The following USP6 variants were observed in gnomAD, a reference collection of about 807,000 sequenced individuals.
USP6 encodes ubiquitin carboxyl-terminal hydrolase 6.
USP6 carries 128 observed loss-of-function variants against 175.7 expected under a neutral mutation model. The observed-to-expected ratio is 0.73, with a 90% CI of 0.63 to 0.84. The LOEUF (loss-of-function observed/expected upper bound fraction) is 0.84. Among genes scored for constraint, USP6 ranks in the 40% least tolerant of loss-of-function variants. USP6 has a pLI of 0.00. For missense variants in USP6, 1,498 were observed against 1,760.3 expected, an observed-to-expected ratio of 0.85 and a Z score of 2.67; for synonymous variants, 562 against 630.6, an observed-to-expected ratio of 0.89 and a Z score of 1.63.
At chr17:5,123,304 G>A (rs975091929) in intron 4 of USP6, among the ~76,000 whole-genome samples, 6 of 152,168 alleles carry the variant, frequency 3.9e-5, no homozygotes, top group African/African-American at 1.4e-4. Flanking sequence ...CCGCCGGTGG[G>A]GGGGTGGTAG....
chr17:5,116,384 T>G lies in USP6; in HGVS notation c.-2284T>G, dbSNP rs1293569420. ...ACCATCGAGTCGAACCGAGTCCTCA[T>G]GTTTTCCTAGACAAGCCGCTGGGGG... is the stretch of plus-strand genomic sequence containing the variant. On this transcript the variant is annotated 5_prime_UTR_variant, in exon 1 of 38. The change abolishes an upstream ATG in the 5' untranslated region. Transcript: ENST00000574788. The G allele has an allele frequency of 1.4e-5, 2 of 139,216 alleles. No individual in the cohort carries two copies. Among genetic ancestry groups the G allele is most frequent in the East Asian group, 3.9e-4 (2 of 5,186 alleles). 8.6% of individuals were successfully genotyped at this position (139,216 alleles called of 1,614,324 possible). A position where few individuals can be genotyped will look rare whatever the true frequency, so the allele number is the denominator to read the frequency against.
intron 15 of USP6, 144 bp from the exon 16 acceptor site, chr17:5,135,090 T>TC: frequency 2.2e-6 from 2 of 905,170 alleles, no homozygotes; most frequent in Non-Finnish European, 3.6e-6. Context: ...AAACATTTCT[T>TC]CAACAGTCTC....
At chr17:5,135,023 T>C in intron 15 of USP6, 1 of 536,270 alleles carries the variant, frequency 1.9e-6, no homozygotes, top group South Asian at 1.9e-5. Flanking sequence ...GTGAAAAGGA[T>C]CGGTCAACTC....
intron 2 of USP6, among the ~76,000 whole-genome samples, chr17:5,119,778 C>T (rs2072610568): frequency 6.6e-6 from 1 of 152,192 alleles, no homozygotes; most frequent in Non-Finnish European, 1.5e-5. Context: ...CTACAAGTGA[C>T]TCACAGCCAT....
At chr17:5,141,981 G>A (rs1175339715) in intron 23 of USP6, 22 bp from the exon 24 acceptor site, 1 of 1,603,696 alleles carries the variant, frequency 6.2e-7, no homozygotes, top group Non-Finnish European at 8.5e-7. Flanking sequence ...CTAAGCTTTG[G>A]TTCTCATATT....
chr17:5,169,626 G>A (rs2074170569), intron 35 of USP6, among the ~76,000 whole-genome samples: 1 of 152,042 alleles, frequency 6.6e-6, no homozygotes, highest in African/African-American at 2.4e-5. Flanking sequence ...ATTTTTTGTA[G>A]AGATGGTGCT....
rs1459606869 is a variant in USP6 at position 5,174,909 on chromosome 17, A to G, written c.*1931A>G. On this transcript the variant is annotated 3_prime_UTR_variant, in exon 38 of 38. Coordinates refer to ENST00000574788, the MANE Select transcript of USP6 (RefSeq NM_001304284.2). ...ATGTACTGAAATATGAACTGTATCAAAAGTATTGGTAATTGTATATGGGGT... is the reference window on the plus strand; with the variant it reads ...ATGTACTGAAATATGAACTGTATCAGAAGTATTGGTAATTGTATATGGGGT... The G allele has an allele frequency of 1.6e-5, 3 of 191,388 alleles. No individual in the cohort carries two copies. The highest frequency in any genetic ancestry group is 7.0e-5 in the African/African-American group (3 of 42,948). 11.9% of individuals were successfully genotyped at this position (191,388 alleles called of 1,614,324 possible). A position where few individuals can be genotyped will look rare whatever the true frequency, so the allele number is the denominator to read the frequency against.
intron 15 of USP6, 39 bp from the exon 16 acceptor site, chr17:5,135,195 G>A (rs924838974): frequency 1.0e-5 from 16 of 1,606,376 alleles, no homozygotes; most frequent in Non-Finnish European, 1.4e-5. Context: ...AACAGCATCT[G>A]CACAAACCAA....
At chr17:5,123,634 A>G (rs146898037) in intron 4 of USP6, among the ~76,000 whole-genome samples, 2,605 of 152,276 alleles carry the variant, frequency 0.017, 35 homozygotes, top group Non-Finnish European at 0.027. Flanking sequence ...GCGGGGAGCC[A>G]GCAGGACAGG....
chr17:5,166,489 C>CA (rs1212491127), intron 33 of USP6, among the ~76,000 whole-genome samples: 1 of 152,100 alleles, frequency 6.6e-6, no homozygotes, highest in Non-Finnish European at 1.5e-5. Context: ...TCATGAGTTT[C>CA]AGGAAGGGAA....
chr17:5,128,151 C>T (rs2072949524), intron 7 of USP6, among the ~76,000 whole-genome samples: 1 of 152,204 alleles, frequency 6.6e-6, no homozygotes, highest in African/African-American at 2.4e-5. Flanking sequence ...CTTGGATGTT[C>T]ATTTTATCCC....
chr17:5,156,736 CTT>C (rs113739439), intron 31 of USP6, among the ~76,000 whole-genome samples: 11 of 143,160 alleles, frequency 7.7e-5, no homozygotes, highest in African/African-American at 1.0e-4. Context: ...ATAAATACAT[CTT>C]TTTTTTTTTT....
intron 2 of USP6, among the ~76,000 whole-genome samples, chr17:5,120,266 GGTGGTGGGGGCAAGGCA>G (rs1418533150): frequency 6.6e-6 from 1 of 152,112 alleles, no homozygotes; most frequent in Non-Finnish European, 1.5e-5. Context: ...CTGTGGGGTT[GGTGGTGGGGGCAAGGCA>G]GTGGTGGGGG....
chr17:5,168,796 A>T lies in USP6; in HGVS notation c.3258A>T (p.Val1086=), dbSNP rs2144167851. 1.2e-6 allele frequency: 2 copies of T among 1,603,784 alleles called. No homozygotes were observed. The highest frequency in any genetic ancestry group is 2.2e-5 in the South Asian group (2 of 89,396). The stretch of plus-strand genomic sequence containing the variant: ...TTCACCTTAAGCGATTTCAATTTGT[A>T]AATGATCAGTGGATAAAATCACAGA... ...LIIHLKRFQF[V]NDQWIKSQKI... The change falls in exon 35 of 38, where the codon GTA becomes GTT. Residue 1086 remains valine, a synonymous_variant. Transcript: ENST00000574788.
chr17:5,120,906 G>C (rs1179164091), intron 3 of USP6, 118 bp downstream of exon 3: 2 of 454,454 alleles, frequency 4.4e-6, no homozygotes, highest in Non-Finnish European at 8.8e-6. Context: ...TTGGAAACCA[G>C]TTGGACCAGC....
At chr17:5,150,291 TA>T in intron 30 of USP6, among the ~76,000 whole-genome samples, 1 of 120,020 alleles carries the variant, frequency 8.3e-6, no homozygotes, top group East Asian at 2.2e-4. Flanking sequence ...AAACTCCGTC[TA>T]AAAAAATAAA....
At chr17:5,126,847 A>T (rs929808394) in intron 6 of USP6, 5 of 152,362 alleles carry the variant, frequency 3.3e-5, no homozygotes, top group African/African-American at 9.6e-5. Context: ...AGCACCCTCA[A>T]AGTGAGAGGT....
chr17:5,135,848 T>C lies in USP6; in HGVS notation c.584T>C (p.Leu195Ser). Residue 195 changes from leucine (L) to serine (S), a missense_variant, in exon 17 of 38, where the codon TTG (leucine) becomes TCG (serine). Leu to Ser is a moderately radical substitution (Grantham distance 145). Transcript: ENST00000574788. The part of the protein sequence containing the change: ...YCRDLSHITA[L>S]FLLYLPEEDA... ...AGGGACCTGAGCCACATCACCGCCTTGTTCCTCCTTTATCTGCCTGAGGAG... is the reference window on the plus strand; with the variant it reads ...AGGGACCTGAGCCACATCACCGCCTCGTTCCTCCTTTATCTGCCTGAGGAG... 6.3e-7 allele frequency: 1 copy of C among 1,599,264 alleles called. No homozygotes were observed.
In USP6 at chr17:5,130,594, G is replaced by T. The variant is rs746010214; in HGVS notation, c.73-8G>T. ...GGACCCCTCACCAAGGCTCCCTCTG[G>T]GTTACAGGGACACCGAGCTGGGCTG... is the stretch of plus-strand genomic sequence containing the variant. On this transcript the variant is annotated splice_polypyrimidine_tract_variant and splice_region_variant and intron_variant, in intron 10 of 37. Coordinates refer to ENST00000574788, the MANE Select transcript of USP6 (RefSeq NM_001304284.2). The T allele has an allele frequency of 6.2e-7, 1 of 1,613,700 alleles. No homozygotes were observed. Among genetic ancestry groups the T allele is most frequent in the South Asian group, 1.1e-5 (1 of 91,068 alleles).
Sources: gnomAD v4.1 joint callset for allele counts (sites outside exome capture counted in the v4.1 genomes callset) on GRCh38, gnomAD v4.1.1 for gene constraint, MANE v1.5 for transcripts, NCBI Gene and HGNC (gene_info 2026-07-23, HGNC 2026-07-21) for gene names.